BACH2: variants seen among roughly 807,000 people sequenced by gnomAD.
BACH2 encodes the protein BACH transcriptional regulator 2.
In BACH2, 5 loss-of-function variants were observed where a neutral mutation model predicts 61.8. The ratio of observed to expected loss-of-function variants is 0.08; its 90% CI spans 0.04 to 0.17. BACH2 has a LOEUF of 0.17. Ranked by LOEUF, BACH2 falls within the 10% of genes least tolerant of loss-of-function variation. The pLI is 1.00. For missense variants in BACH2, 824 were observed against 1,091.1 expected (o/e 0.76, Z 3.45); for synonymous variants, 446 against 440.1 (o/e 1.01, Z -0.17).
At chr6:90,296,197 G>C (rs1296400681) in intron 1 of BACH2, among the ~76,000 whole-genome samples, 3 of 152,102 alleles carry the variant, frequency 2.0e-5, no homozygotes, top group African/African-American at 2.4e-5. Flanking sequence ...TTCGACGCCA[G>C]CAAAATACAA....
At chr6:90,036,741 A>T (rs1779281729) in intron 5 of BACH2, among the ~76,000 whole-genome samples, 1 of 152,190 alleles carries the variant, frequency 6.6e-6, no homozygotes, top group South Asian at 2.1e-4. Context: ...ATTTACATAC[A>T]ATGAAATGTA....
At chr6:90,285,969 G>C (rs963490180) in intron 1 of BACH2, among the ~76,000 whole-genome samples, 3 of 152,168 alleles carry the variant, frequency 2.0e-5, no homozygotes, top group African/African-American at 7.2e-5. Flanking sequence ...ATTTTCCAAG[G>C]TTAGACCAAA....
intron 4 of BACH2, among the ~76,000 whole-genome samples, chr6:90,196,037 G>T (rs933595382): frequency 6.6e-6 from 1 of 152,034 alleles, no homozygotes; most frequent in Non-Finnish European, 1.5e-5. Flanking sequence ...ATAAAGAAAC[G>T]GAGTTTTGAC....
intron 1 of BACH2, among the ~76,000 whole-genome samples, chr6:90,296,095 G>C (rs540049784): frequency 6.6e-5 from 10 of 152,084 alleles, no homozygotes; most frequent in African/African-American, 1.2e-4. Context: ...AGCTGCTGCG[G>C]CTCGCGCGGA....
At chr6:89,962,828 A>G (rs1774825506) in intron 6 of BACH2, among the ~76,000 whole-genome samples, 1 of 152,224 alleles carries the variant, frequency 6.6e-6, no homozygotes, top group Non-Finnish European at 1.5e-5. Flanking sequence ...CTTGGATATG[A>G]CACCAAAAGC....
intron 1 of BACH2, among the ~76,000 whole-genome samples, chr6:90,278,119 AG>A (rs1454310695): frequency 6.6e-6 from 1 of 152,208 alleles, no homozygotes; most frequent in Non-Finnish European, 1.5e-5. Context: ...AAGAGTGTCA[AG>A]ATACATAATA....
chr6:89,950,124 C>T lies in BACH2; in HGVS notation c.1836+146G>A, dbSNP rs1052480025. ...TGTGGAATCACCTTCAGCATCCTGCCTCTGTGGATGGGGAAGGCAGTCTCT... is the reference window on the plus strand; with the variant it reads ...TGTGGAATCACCTTCAGCATCCTGCTTCTGTGGATGGGGAAGGCAGTCTCT... On this transcript the variant is annotated intron_variant, in intron 7 of 8. Coordinates refer to ENST00000257749, the MANE Select transcript of BACH2 (RefSeq NM_021813.4). The surrounding 1 kb of genome is among the most constrained non-coding windows in gnomAD (Gnocchi z 5.3). 3 of 921,988 alleles carry T rather than the reference C, an allele frequency of 3.3e-6. No homozygotes were observed. The African/African-American group carries it at 4.9e-5, about 15-fold the overall frequency. The allele number at this position is 921,988 out of a possible 1,614,324, so 57.1% of individuals were successfully genotyped here.
chr6:90,150,196 C>T (rs1373651760), intron 4 of BACH2, among the ~76,000 whole-genome samples: 2 of 152,128 alleles, frequency 1.3e-5, no homozygotes, highest in Non-Finnish European at 2.9e-5. Flanking sequence ...CATGCCCGTG[C>T]CAGTGTTTAT....
chr6:90,128,635 A>G (rs1783965049), intron 4 of BACH2, among the ~76,000 whole-genome samples: 1 of 152,218 alleles, frequency 6.6e-6, no homozygotes, highest in Non-Finnish European at 1.5e-5. Context: ...TAGTTCAACC[A>G]TTGTGGAAGT....
intron 1 of BACH2, among the ~76,000 whole-genome samples, chr6:90,273,253 G>A (rs1582555922): frequency 6.6e-6 from 1 of 152,192 alleles, no homozygotes; most frequent in East Asian, 1.9e-4. Context: ...GGCTACTCAG[G>A]AGGCTAAGGC....
chr6:90,152,051 T>C (rs1245473917), intron 4 of BACH2, among the ~76,000 whole-genome samples: 4 of 152,258 alleles, frequency 2.6e-5, no homozygotes, highest in Non-Finnish European at 5.9e-5. Flanking sequence ...ACACCCATTA[T>C]TTTCTCTGCA....
chr6:90,237,539 T>C (rs1352162232), intron 3 of BACH2, among the ~76,000 whole-genome samples: 8 of 152,230 alleles, frequency 5.3e-5, no homozygotes, highest in South Asian at 2.1e-4. Flanking sequence ...TGCACACTTA[T>C]ATCACTAGAA....
In BACH2 at chr6:89,951,557, G is replaced by C. The variant is rs1774119966; in HGVS notation, c.549C>G (p.Asp183Glu). Residue 183 changes from aspartate (D) to glutamate (E), a missense_variant, in exon 7 of 9, where the codon GAC becomes GAG. Coordinates refer to ENST00000257749, the MANE Select transcript of BACH2 (RefSeq NM_021813.4). The surrounding 1 kb of genome is among the most constrained non-coding windows in gnomAD (Gnocchi z 6.4). ...SETAKMACPR[D>E]QMLPEPISFE... ...AGCTGATGGGCTCTGGAAGCATCTGGTCCCTGGGGCAAGCCATCTTGGCCG... is the reference window on the plus strand; with the variant it reads ...AGCTGATGGGCTCTGGAAGCATCTGCTCCCTGGGGCAAGCCATCTTGGCCG... 1 of 1,614,022 alleles carries C rather than the reference G, an allele frequency of 6.2e-7. No individual in the cohort carries two copies. The highest frequency in any genetic ancestry group is 8.5e-7 in the Non-Finnish European group (1 of 1,180,042).
intron 7 of BACH2, among the ~76,000 whole-genome samples, chr6:89,945,902 G>T (rs1377689282): frequency 6.6e-6 from 1 of 151,818 alleles, no homozygotes; most frequent in African/African-American, 2.4e-5. Context: ...TGTGCATACT[G>T]CTTTGTGATT....
chr6:90,174,512 C>A (rs181654930), intron 4 of BACH2, among the ~76,000 whole-genome samples: 2 of 151,780 alleles, frequency 1.3e-5, no homozygotes, highest in Non-Finnish European at 2.9e-5. Context: ...GAGATTCTTG[C>A]CAGTTCAGTA....
At chr6:89,987,917 T>C (rs1295168600) in intron 6 of BACH2, among the ~76,000 whole-genome samples, 1 of 152,100 alleles carries the variant, frequency 6.6e-6, no homozygotes, top group Non-Finnish European at 1.5e-5. Context: ...AAAGACAAGG[T>C]TGATAGTATT....
chr6:90,165,412 A>G (rs574690171), intron 4 of BACH2, among the ~76,000 whole-genome samples: 1 of 149,400 alleles, frequency 6.7e-6, no homozygotes, highest in Non-Finnish European at 1.5e-5. Context: ...AAAAGAGGAT[A>G]CAAACAAATG....
chr6:90,053,353 C>T (rs1407880552), intron 5 of BACH2, among the ~76,000 whole-genome samples: 2 of 152,076 alleles, frequency 1.3e-5, no homozygotes, highest in Non-Finnish European at 2.9e-5. Flanking sequence ...GATCAAGGCT[C>T]ACTGCAGTCT....
rs1200555118 is a variant in BACH2, at chr6:89,931,149, CTT to C, written c.*1257_*1258del. 6.6e-6 allele frequency: 1 copy of C among 152,364 alleles called. No individual in the cohort carries two copies. The highest frequency in any genetic ancestry group is 2.4e-5 in the African/African-American group (1 of 41,450). The allele number at this position is 152,364 out of a possible 1,614,324, so 9.4% of individuals were successfully genotyped here. ...TACTCCCTGGGTGAAAACTTTCTAACTTGATTTCTAGGAGCCAATGCCTGCTG... is the reference window on the plus strand; with the variant it reads ...TACTCCCTGGGTGAAAACTTTCTAACGATTTCTAGGAGCCAATGCCTGCTG... On this transcript the variant is annotated 3_prime_UTR_variant, in exon 9 of 9. Coordinates refer to ENST00000257749, the MANE Select transcript of BACH2 (RefSeq NM_021813.4).
Sources: allele counts gnomAD v4.1 joint callset (sites outside exome capture counted in the v4.1 genomes callset), GRCh38; gene constraint gnomAD v4.1.1; non-coding constraint Gnocchi (gnomAD v3.1); transcripts MANE v1.5; gene names NCBI Gene and HGNC (gene_info 2026-07-23, HGNC 2026-07-21).